Variants in ABLIM1 observed in about 807,000 individuals in gnomAD.
ABLIM1 encodes actin-binding LIM protein 1.
In ABLIM1, 40 loss-of-function variants were observed where a neutral mutation model predicts 107.0. That is an observed-to-expected ratio of 0.37 (90% confidence interval 0.29 to 0.49). The LOEUF is 0.49. ABLIM1 is among the 20% of genes least tolerant of loss of function. The pLI, the probability that ABLIM1 is intolerant of heterozygous loss-of-function variation, is 0.97. For missense variants in ABLIM1, 857 were observed against 1,008.5 expected (o/e 0.85, Z 2.04); for synonymous variants, 357 against 357.3 (o/e 1.00, Z 0.01).
intron 1 of ABLIM1, among the ~76,000 whole-genome samples, chr10:114,698,008 T>C (rs2081231076): frequency 8.7e-6 from 1 of 115,000 alleles, no homozygotes; most frequent in Admixed American, 8.7e-5. Context: ...GAGGAAACAT[T>C]AATCCCCCAC....
intron 2 of ABLIM1, among the ~76,000 whole-genome samples, chr10:114,575,866 AG>A (rs1348383390): frequency 2.6e-5 from 4 of 152,242 alleles, no homozygotes. Context: ...AGTCTTTGAT[AG>A]AAAGATACCC....
rs2082898037 is a variant in ABLIM1 at position 114,766,529 on chromosome 10, CA to C, written c.-213+1531del. Among the ~76,000 whole-genome samples, 2 of 152,100 alleles carry C rather than the reference CA, an allele frequency of 1.3e-5. 1 individual carries two copies. The highest frequency in any genetic ancestry group is 2.9e-5 in the Non-Finnish European group (2 of 68,028). On this transcript the variant is annotated intron_variant, in intron 1 of 15. Coordinates refer to the ABLIM1 transcript ENST00000651092. ...CCCGAGACCCTGGAATAGGAGGGGC[CA>C]GAGACTAAATGAAATTGTGTGACGG...
At chr10:114,567,187 C>T (rs1320129670) in intron 4 of ABLIM1, among the ~76,000 whole-genome samples, 1 of 152,192 alleles carries the variant, frequency 6.6e-6, no homozygotes, top group Non-Finnish European at 1.5e-5. Flanking sequence ...GCCACTGCTC[C>T]AAGGCTCAGC....
intron 2 of ABLIM1, among the ~76,000 whole-genome samples, chr10:114,577,445 G>A (rs770959714): frequency 1.1e-4 from 16 of 152,104 alleles, no homozygotes; most frequent in African/African-American, 3.6e-4. Flanking sequence ...ATGCAGAGTC[G>A]TTATACAAAG....
At chr10:114,648,718 C>A (rs917013258) in intron 1 of ABLIM1, among the ~76,000 whole-genome samples, 2 of 152,240 alleles carry the variant, frequency 1.3e-5, no homozygotes. Context: ...TATGAAGTAC[C>A]TTTACTTACC....
intron 12 of ABLIM1, among the ~76,000 whole-genome samples, chr10:114,455,812 CTTTTTTT>C (rs11285756): frequency 5.7e-5 from 8 of 139,558 alleles, no homozygotes; most frequent in African/African-American, 2.1e-4. Context: ...GAAACTGCAA[CTTTTTTT>C]TTTTTTTTTT....
chr10:114,720,715 A>G (rs1459357621), intron 1 of ABLIM1, among the ~76,000 whole-genome samples: 1 of 152,084 alleles, frequency 6.6e-6, no homozygotes, highest in Non-Finnish European at 1.5e-5. Flanking sequence ...CAAGACAGGG[A>G]AAAATGCATT....
chr10:114,601,601 G>A, intron 2 of ABLIM1: 1 of 655,670 alleles, frequency 1.5e-6, no homozygotes, highest in Non-Finnish European at 2.7e-6. Context: ...TCCAGGAGAA[G>A]GGGCCTCAGT....
upstream of ABLIM1, among the ~76,000 whole-genome samples, chr10:114,768,259 G>T (rs1309252847): frequency 6.8e-6 from 1 of 146,902 alleles, no homozygotes; most frequent in Admixed American, 6.7e-5. Flanking sequence ...CGCAGCGGCC[G>T]CAGGGACCCG....
At chr10:114,784,434 G>A in the ABLIM1 span, among the ~76,000 whole-genome samples, 1 of 151,742 alleles carries the variant, frequency 6.6e-6, no homozygotes, top group Non-Finnish European at 1.5e-5. Flanking sequence ...GGAGGCCAAG[G>A]TGGGTGGATC....
intron 1 of ABLIM1, among the ~76,000 whole-genome samples, chr10:114,715,558 C>T (rs766090059): frequency 1.2e-4 from 19 of 152,154 alleles, no homozygotes; most frequent in Non-Finnish European, 2.5e-4. Context: ...AGATTACCCT[C>T]CCTTGGCACA....
chr10:114,534,774 G>T (rs2065820751), intron 6 of ABLIM1, among the ~76,000 whole-genome samples: 2 of 151,606 alleles, frequency 1.3e-5, no homozygotes, highest in African/African-American at 4.9e-5. Context: ...GTTAAATAAT[G>T]CTGAAAAAAA....
intron 1 of ABLIM1, among the ~76,000 whole-genome samples, chr10:114,724,392 TACC>T (rs2081914091): frequency 6.6e-6 from 1 of 152,150 alleles, no homozygotes; most frequent in Admixed American, 6.5e-5. Flanking sequence ...TCACTGTCAT[TACC>T]ACCTTTATGG....
intron 1 of ABLIM1, among the ~76,000 whole-genome samples, chr10:114,654,832 G>GGGGCTC (rs1285660666): frequency 6.6e-6 from 1 of 152,226 alleles, no homozygotes; most frequent in African/African-American, 2.4e-5. Flanking sequence ...GGGTTGGCCA[G>GGGGCTC]ATGCCCCAAG....
intron 4 of ABLIM1, among the ~76,000 whole-genome samples, chr10:114,563,231 A>T (rs1020576245): frequency 1.5e-4 from 23 of 152,220 alleles, no homozygotes; most frequent in Non-Finnish European, 3.1e-4. Context: ...GGTGATCTTT[A>T]TCCCTTTTGT....
intron 21 of ABLIM1, 61 bp downstream of exon 21, chr10:114,439,115 A>G: frequency 6.3e-7 from 1 of 1,582,976 alleles, no homozygotes; most frequent in Non-Finnish European, 8.7e-7. Context: ...AAGATAGAAC[A>G]TCAAATCTGT....
At chr10:114,494,477 G>A (rs919267045) in intron 6 of ABLIM1, among the ~76,000 whole-genome samples, 3 of 152,202 alleles carry the variant, frequency 2.0e-5, no homozygotes, top group African/African-American at 7.2e-5. Context: ...TGAGGCTGCA[G>A]TGAGCTGAGA....
intron 1 of ABLIM1, among the ~76,000 whole-genome samples, chr10:114,664,084 T>C (rs2079907598): frequency 6.6e-6 from 1 of 152,236 alleles, no homozygotes; most frequent in Non-Finnish European, 1.5e-5. Context: ...ACTATGCTAT[T>C]ATCAGGGCTT....
intron 6 of ABLIM1, among the ~76,000 whole-genome samples, chr10:114,512,870 A>T (rs1250441136): frequency 6.9e-6 from 1 of 145,340 alleles, no homozygotes; most frequent in African/African-American, 2.7e-5. Context: ...GAAGGAAGGA[A>T]GGAAGGAAGG....
Sources: allele counts gnomAD v4.1 joint callset (sites outside exome capture counted in the v4.1 genomes callset), GRCh38; gene constraint gnomAD v4.1.1; transcripts MANE v1.5; gene names NCBI Gene and HGNC (gene_info 2026-07-23, HGNC 2026-07-21).